CFAP61: variants seen among roughly 807,000 people sequenced by gnomAD.
CFAP61 encodes cilia- and flagella-associated protein 61.
CFAP61 carries 107 observed loss-of-function variants against 135.6 expected under a neutral mutation model. The observed-to-expected ratio is 0.79, with a 90% CI of 0.67 to 0.93. The LOEUF is 0.93. Ranked by LOEUF, CFAP61 falls within the 40% of genes least tolerant of loss-of-function variation. The pLI, the probability that CFAP61 is intolerant of heterozygous loss-of-function variation, is 0.00. For synonymous variants in CFAP61, 575 were observed against 578.5 expected, an observed-to-expected ratio of 0.99 and a Z score of 0.09; for missense variants, 1,507 against 1,556.2, an observed-to-expected ratio of 0.97 and a Z score of 0.53.
intron 8 of CFAP61, among the ~76,000 whole-genome samples, chr20:20,123,862 G>A (rs1461665428): frequency 2.6e-5 from 4 of 151,492 alleles, no homozygotes; most frequent in Non-Finnish European, 5.9e-5. Flanking sequence ...ACCCATCCAT[G>A]AGCATGGGAT....
chr20:20,096,466 A>G (rs1344347179), intron 7 of CFAP61, among the ~76,000 whole-genome samples: 16 of 152,388 alleles, frequency 1.0e-4, no homozygotes, highest in Admixed American at 9.8e-4. Flanking sequence ...CAAATTCCAA[A>G]CACAATGAGC....
chr20:20,194,660 A>G (rs1318671016), intron 15 of CFAP61, among the ~76,000 whole-genome samples: 7 of 152,092 alleles, frequency 4.6e-5, no homozygotes, highest in Admixed American at 3.9e-4. Flanking sequence ...ATGTTTCTCC[A>G]TGGCATCTCC....
At chr20:20,279,968 C>A (rs1032675177) in intron 22 of CFAP61, among the ~76,000 whole-genome samples, 3 of 152,008 alleles carry the variant, frequency 2.0e-5, no homozygotes, top group African/African-American at 7.2e-5. Flanking sequence ...GCATTAAGCA[C>A]TTTTTGGTGG....
intron 25 of CFAP61, among the ~76,000 whole-genome samples, chr20:20,320,435 A>ATGTAATATATATTAT: frequency 9.5e-6 from 1 of 105,598 alleles, no homozygotes; most frequent in Admixed American, 9.9e-5. Context: ...TATGTAATAT[A>ATGTAATATATATTAT]ATATATGTAA....
At chr20:20,277,616 A>T (rs765875476) in intron 22 of CFAP61, among the ~76,000 whole-genome samples, 158 bp downstream of exon 22, 7 of 152,126 alleles carry the variant, frequency 4.6e-5, no homozygotes, top group Non-Finnish European at 1.0e-4. Flanking sequence ...GTAACAACCC[A>T]CCCCAGACTC....
intron 3 of CFAP61, 150 bp from the exon 4 acceptor site, chr20:20,074,152 T>C (rs550398998): frequency 3.0e-6 from 2 of 664,150 alleles, no homozygotes; most frequent in Non-Finnish European, 5.5e-6. Flanking sequence ...AAATGCCGCC[T>C]GGGTGTTGCA....
chr20:20,360,354 T>C lies in CFAP61; in HGVS notation c.3658T>C (p.Tyr1220His). ...KTLVERSTLD[Y>H]LHYNRYHLPM... ...CCTGGTGGAGAGAAGCACTCTTGAC[T>C]ACCTGCACTATAACCGCTACCACCT... Residue 1220 changes from tyrosine (Y) to histidine (H), a missense_variant, in exon 27 of 27, where the codon TAC (tyrosine) becomes CAC (histidine). Physicochemically the swap from Tyr to His is moderately conservative, Grantham distance 83. Coordinates refer to ENST00000245957, the MANE Select transcript of CFAP61 (RefSeq NM_015585.4). The C allele has an allele frequency of 6.2e-7, 1 of 1,613,912 alleles. No homozygotes were observed. Among genetic ancestry groups the C allele is most frequent in the Non-Finnish European group, 8.5e-7 (1 of 1,180,018 alleles).
At chr20:20,190,458 C>A (rs189061309) in intron 14 of CFAP61, among the ~76,000 whole-genome samples, 1 of 150,514 alleles carries the variant, frequency 6.6e-6, no homozygotes, top group African/African-American at 2.4e-5. Flanking sequence ...GTTAAGGATG[C>A]GGGGAGGGTG....
chr20:20,265,526 C>T (rs1232409637), intron 21 of CFAP61: 2 of 779,116 alleles, frequency 2.6e-6, no homozygotes, highest in African/African-American at 1.7e-5. Flanking sequence ...GACTGACTCC[C>T]AGCAGCCAGT....
At chr20:20,263,845 G>A (rs1306431014) in intron 21 of CFAP61, among the ~76,000 whole-genome samples, 1 of 152,128 alleles carries the variant, frequency 6.6e-6, no homozygotes, top group Non-Finnish European at 1.5e-5. Flanking sequence ...TGAGAAGATG[G>A]TTAGTGACCT....
chr20:20,274,089 A>G (rs985019882), intron 21 of CFAP61, among the ~76,000 whole-genome samples: 1 of 152,206 alleles, frequency 6.6e-6, no homozygotes, highest in South Asian at 2.1e-4. Flanking sequence ...CACCATGCTT[A>G]TATTTTGCTG....
intron 2 of CFAP61, among the ~76,000 whole-genome samples, chr20:20,065,024 G>A (rs752050728): frequency 2.6e-5 from 4 of 152,102 alleles, no homozygotes; most frequent in African/African-American, 7.2e-5. Flanking sequence ...AGAAACAGAC[G>A]CATACTATAT....
intron 25 of CFAP61, among the ~76,000 whole-genome samples, chr20:20,337,934 G>A (rs905094114): frequency 6.6e-6 from 1 of 152,154 alleles, no homozygotes; most frequent in African/African-American, 2.4e-5. Context: ...GCTGCCACAC[G>A]AAAATGAGGA....
At chr20:20,322,918 C>G in intron 25 of CFAP61, 1 of 985,404 alleles carries the variant, frequency 1.0e-6, no homozygotes, top group Non-Finnish European at 1.2e-6. Flanking sequence ...ACTTAAGTAG[C>G]TTATTTATTG....
intron 18 of CFAP61, among the ~76,000 whole-genome samples, chr20:20,230,267 C>T (rs776967392): frequency 9.2e-5 from 14 of 152,236 alleles, no homozygotes; most frequent in South Asian, 6.2e-4. Flanking sequence ...ACACAGATTA[C>T]GTACACTAAA....
intron 6 of CFAP61, among the ~76,000 whole-genome samples, chr20:20,078,853 C>T (rs869086801): frequency 3.3e-5 from 5 of 152,066 alleles, no homozygotes; most frequent in Non-Finnish European, 5.9e-5. Context: ...CTGATACTTC[C>T]AGCCAAACTG....
At chr20:20,057,948 G>A (rs1164638146) in intron 2 of CFAP61, among the ~76,000 whole-genome samples, 4 of 152,048 alleles carry the variant, frequency 2.6e-5, no homozygotes, top group Non-Finnish European at 5.9e-5. Context: ...GGCTGGTCTC[G>A]AACTCCTGGC....
At chr20:20,348,029 A>T in intron 26 of CFAP61, among the ~76,000 whole-genome samples, 1 of 152,148 alleles carries the variant, frequency 6.6e-6, no homozygotes, top group East Asian at 1.9e-4. Flanking sequence ...CCTTGAATCA[A>T]TAATCAAAAA....
chr20:20,149,464 C>T (rs2052211606), intron 9 of CFAP61, among the ~76,000 whole-genome samples: 1 of 152,168 alleles, frequency 6.6e-6, no homozygotes, highest in Non-Finnish European at 1.5e-5. Context: ...CCAAAAGAAA[C>T]CACAGATCCT....
Sources: gnomAD v4.1 joint callset for allele counts (sites outside exome capture counted in the v4.1 genomes callset) on GRCh38, gnomAD v4.1.1 for gene constraint, MANE v1.5 for transcripts, NCBI Gene and HGNC (gene_info 2026-07-23, HGNC 2026-07-21) for gene names.